Variants in CDH18 observed in about 807,000 individuals in gnomAD.
CDH18 encodes the protein cadherin-18.
A neutral mutation model predicts 67.9 loss-of-function variants in CDH18; 31 were observed. The ratio of observed to expected loss-of-function variants is 0.46; its 90% CI spans 0.34 to 0.62. The LOEUF (loss-of-function observed/expected upper bound fraction) is 0.62. Ranked by LOEUF, CDH18 falls within the 20% of genes least tolerant of loss-of-function variation. CDH18 has a pLI of 0.01. For missense variants in CDH18, 890 were observed against 975.5 expected (o/e 0.91, Z 1.17); for synonymous variants, 362 against 347.2 (o/e 1.04, Z -0.48).
rs1765954413 is a variant in CDH18 at position 19,720,553 on chromosome 5, A to G, written c.643+794T>C. On this transcript the variant is annotated intron_variant, in intron 5 of 12. Transcript: ENST00000382275. ...AATTGATTGTCAATGGGGACATGTG[A>G]TTTTTTTATGGTTTTTGGATTCCGC... 2.6e-5 allele frequency among the ~76,000 whole-genome samples: 4 copies of G among 152,120 alleles called. No homozygotes were observed. The South Asian group carries it at 8.3e-4, about 31-fold the overall frequency.
At chr5:20,399,878 G>A (rs944572094) in intron 1 of CDH18, among the ~76,000 whole-genome samples, 1 of 152,174 alleles carries the variant, frequency 6.6e-6, no homozygotes, top group Non-Finnish European at 1.5e-5. Flanking sequence ...TACCTCACCA[G>A]TATGCTGAAG....
intron 2 of CDH18, among the ~76,000 whole-genome samples, chr5:20,101,111 G>A (rs910841085): frequency 3.2e-4 from 48 of 151,546 alleles, no homozygotes; most frequent in African/African-American, 1.1e-3. Context: ...ACACCACATC[G>A]GGCTTTTTTT....
At chr5:20,327,187 A>G (rs1738678815) in intron 1 of CDH18, among the ~76,000 whole-genome samples, 1 of 152,176 alleles carries the variant, frequency 6.6e-6, no homozygotes, top group Non-Finnish European at 1.5e-5. Context: ...TCATTATGCC[A>G]AAGGGAAAGT....
At chr5:19,485,416 T>C (rs1204636135) in intron 11 of CDH18, among the ~76,000 whole-genome samples, 1 of 152,026 alleles carries the variant, frequency 6.6e-6, no homozygotes, top group Non-Finnish European at 1.5e-5. Flanking sequence ...CCAACATGCC[T>C]GGCTAATTTT....
chr5:20,377,353 T>C (rs901216299), intron 1 of CDH18, among the ~76,000 whole-genome samples: 2 of 152,162 alleles, frequency 1.3e-5, no homozygotes, highest in African/African-American at 4.8e-5. Context: ...TCCAAAAAAA[T>C]GAGAAAGAGA....
intron 2 of CDH18, among the ~76,000 whole-genome samples, chr5:20,212,950 A>G (rs1356152475): frequency 2.0e-5 from 3 of 152,096 alleles, no homozygotes; most frequent in Non-Finnish European, 4.4e-5. Flanking sequence ...TGTGTTTACT[A>G]TAATAGCACT....
chr5:19,973,098 A>G (rs542462629), intron 2 of CDH18, among the ~76,000 whole-genome samples: 1 of 152,132 alleles, frequency 6.6e-6, no homozygotes, highest in Non-Finnish European at 1.5e-5. Context: ...TACAGGAATG[A>G]AAATGCATAA....
At chr5:20,443,014 C>A (rs1749724553) in intron 1 of CDH18, among the ~76,000 whole-genome samples, 1 of 150,794 alleles carries the variant, frequency 6.6e-6, no homozygotes. Flanking sequence ...TCGAGACCAT[C>A]CCGGCTAAAA....
intron 1 of CDH18, among the ~76,000 whole-genome samples, chr5:20,516,333 G>A (rs1403792309): frequency 2.0e-5 from 3 of 151,936 alleles, no homozygotes; most frequent in Non-Finnish European, 2.9e-5. Context: ...TGTGGAAAAA[G>A]CAGTTTGGAT....
chr5:20,493,396 TTTTG>T (rs1472984366), intron 1 of CDH18, among the ~76,000 whole-genome samples: 3 of 127,604 alleles, frequency 2.4e-5, no homozygotes, highest in Non-Finnish European at 5.3e-5. Flanking sequence ...GCAAAGAATT[TTTTG>T]TTTTATTTTT....
intron 1 of CDH18, among the ~76,000 whole-genome samples, chr5:20,277,387 T>A (rs974170529): frequency 1.3e-5 from 2 of 152,044 alleles, no homozygotes; most frequent in Non-Finnish European, 2.9e-5. Flanking sequence ...TTCCTCAAGA[T>A]CTTTTCTAAA....
At chr5:20,123,433 A>T (rs1748541091) in intron 2 of CDH18, among the ~76,000 whole-genome samples, 1 of 152,178 alleles carries the variant, frequency 6.6e-6, no homozygotes, top group Non-Finnish European at 1.5e-5. Flanking sequence ...CCAAATGTAT[A>T]GTCTGAGACC....
intron 6 of CDH18, among the ~76,000 whole-genome samples, chr5:19,600,654 TTAGA>T (rs1746981428): frequency 6.6e-6 from 1 of 151,960 alleles, no homozygotes; most frequent in Non-Finnish European, 1.5e-5. Context: ...TTGGCAATTA[TTAGA>T]TACTTTCATG....
At chr5:19,478,320 A>G (rs1483819751) in intron 12 of CDH18, among the ~76,000 whole-genome samples, 1 of 152,106 alleles carries the variant, frequency 6.6e-6, no homozygotes, top group African/African-American at 2.4e-5. Flanking sequence ...TTGTCATACC[A>G]TCATATGTTG....
At chr5:20,128,146 C>T (rs1314398545) in intron 2 of CDH18, among the ~76,000 whole-genome samples, 1 of 152,004 alleles carries the variant, frequency 6.6e-6, no homozygotes, top group African/African-American at 2.4e-5. Context: ...AAAGTCACTT[C>T]TCAGTCTGTA....
chr5:20,528,074 A>G (rs1427116924), intron 1 of CDH18, among the ~76,000 whole-genome samples: 3 of 152,092 alleles, frequency 2.0e-5, no homozygotes, highest in African/African-American at 7.3e-5. Flanking sequence ...AAAATTTACC[A>G]AGCAAATGAA....
intron 8 of CDH18, among the ~76,000 whole-genome samples, chr5:19,553,472 G>A (rs1171586487): frequency 6.6e-6 from 1 of 151,680 alleles, no homozygotes; most frequent in African/African-American, 2.4e-5. Context: ...TTGTCACTTT[G>A]TAAATATTTG....
intron 2 of CDH18, among the ~76,000 whole-genome samples, chr5:20,237,965 A>G (rs1371929462): frequency 6.6e-6 from 1 of 152,028 alleles, no homozygotes; most frequent in Non-Finnish European, 1.5e-5. Flanking sequence ...ACACAAATAG[A>G]TCAATAGAAC....
At chr5:20,034,159 T>C (rs1739636847) in intron 2 of CDH18, among the ~76,000 whole-genome samples, 1 of 151,886 alleles carries the variant, frequency 6.6e-6, no homozygotes, top group Non-Finnish European at 1.5e-5. Context: ...AAATGAGAAA[T>C]TGATGAAATT....
Sources: allele counts gnomAD v4.1 joint callset (sites outside exome capture counted in the v4.1 genomes callset), GRCh38; gene constraint gnomAD v4.1.1; transcripts MANE v1.5; gene names NCBI Gene and HGNC (gene_info 2026-07-23, HGNC 2026-07-21).